EVC2: variants seen among roughly 807,000 people sequenced by gnomAD.
The protein encoded by EVC2 is EvC ciliary complex subunit 2.
A neutral mutation model predicts 149.3 loss-of-function variants in EVC2; 148 were observed. The ratio of observed to expected loss-of-function variants is 0.99; its 90% CI spans 0.87 to 1.14. EVC2 has a LOEUF of 1.14. Among genes scored for constraint, EVC2 ranks in the 50% most tolerant of loss-of-function variants. The probability of loss-of-function intolerance (pLI) is 0.00; values close to 1 mark genes in which losing one functional copy is unlikely to be tolerated. For synonymous variants in EVC2, 776 were observed against 649.9 expected (o/e 1.19, Z -2.95); for missense variants, 1,854 against 1,627.3 (o/e 1.14, Z -2.40).
At chr4:5,687,006 T>C (rs1234857814) in intron 5 of EVC2, among the ~76,000 whole-genome samples, 2 of 151,670 alleles carry the variant, frequency 1.3e-5, no homozygotes, top group Non-Finnish European at 2.9e-5. Flanking sequence ...CCTGTAATCC[T>C]AGCACTTTGG....
intron 2 of EVC2, 93 bp downstream of exon 2, chr4:5,697,500 A>G: frequency 7.9e-7 from 1 of 1,262,868 alleles, no homozygotes; most frequent in Non-Finnish European, 1.2e-6. Flanking sequence ...TGGAAGGATC[A>G]GCAGAGAGTG....
intron 3 of EVC2, among the ~76,000 whole-genome samples, chr4:5,692,136 C>T (rs1181968101): frequency 4.6e-5 from 7 of 152,286 alleles, no homozygotes; most frequent in African/African-American, 1.2e-4. Flanking sequence ...TTCTGAGTCA[C>T]GGACTCTGGC....
chr4:5,641,057 A>G (rs1226286539), intron 9 of EVC2, among the ~76,000 whole-genome samples: 1 of 152,258 alleles, frequency 6.6e-6, no homozygotes, highest in African/African-American at 2.4e-5. Context: ...TGTACAAAAA[A>G]GAATATAATC....
chr4:5,621,098 C>T (rs1715654624), intron 14 of EVC2, among the ~76,000 whole-genome samples: 1 of 152,156 alleles, frequency 6.6e-6, no homozygotes, highest in South Asian at 2.1e-4. Context: ...TCACTTAACG[C>T]AAACCAAGAT....
intron 21 of EVC2, among the ~76,000 whole-genome samples, chr4:5,552,761 T>TG (rs1721765372): frequency 2.6e-5 from 4 of 152,106 alleles, no homozygotes; most frequent in Admixed American, 2.0e-4. Flanking sequence ...AGACAGACAA[T>TG]GAACTGAGAC....
At chr4:5,619,007 A>G (rs2108833983) in intron 14 of EVC2, among the ~76,000 whole-genome samples, 1 of 152,286 alleles carries the variant, frequency 6.6e-6, no homozygotes, top group Non-Finnish European at 1.5e-5. Flanking sequence ...TAAACAAAGC[A>G]CTGTCTGTGG....
At chr4:5,697,265 C>T (rs899582540) in intron 2 of EVC2, among the ~76,000 whole-genome samples, 1 of 152,186 alleles carries the variant, frequency 6.6e-6, no homozygotes, top group African/African-American at 2.4e-5. Context: ...TGGTCGAAGC[C>T]ACTGTTTGTG....
intron 7 of EVC2, among the ~76,000 whole-genome samples, chr4:5,667,136 T>C (rs892962734): frequency 6.6e-6 from 1 of 152,106 alleles, no homozygotes; most frequent in African/African-American, 2.4e-5. Flanking sequence ...AAGTCTTATA[T>C]AGTAATGTAA....
chr4:5,649,117 A>G (rs1469270641), intron 9 of EVC2, among the ~76,000 whole-genome samples: 2 of 152,220 alleles, frequency 1.3e-5, no homozygotes, highest in Non-Finnish European at 2.9e-5. Context: ...TTTGGGTTAC[A>G]CATGCTGGGC....
At chr4:5,599,427 T>C (rs1007394931) in intron 16 of EVC2, among the ~76,000 whole-genome samples, 6 of 152,164 alleles carry the variant, frequency 3.9e-5, no homozygotes, top group African/African-American at 1.4e-4. Flanking sequence ...TGTAGGGACA[T>C]GGATGAAATT....
Position 5,640,387 on chromosome 4 carries a change from T to C in EVC2, c.1470+127A>G, listed in dbSNP as rs760101066. On this transcript the variant is annotated intron_variant, in intron 10 of 21. Transcript: ENST00000344408. The surrounding 1 kb of genome is among the most constrained non-coding windows in gnomAD (Gnocchi z 4.6). ...ATGGAAGGATGAATAGATGAATGAG[T>C]GGGTGGTTGGATGGATGATGGGTAG... is the stretch of plus-strand genomic sequence containing the variant. 4.7e-6 allele frequency: 5 copies of C among 1,055,276 alleles called. No homozygotes were observed. Among genetic ancestry groups the C allele is most frequent in the Non-Finnish European group, 5.9e-6 (4 of 676,816 alleles). The allele number at this position is 1,055,276 out of a possible 1,614,324, so 65.4% of individuals were successfully genotyped here.
downstream of EVC2, among the ~76,000 whole-genome samples, chr4:5,538,185 A>C (rs186775663): frequency 6.6e-6 from 1 of 152,136 alleles, no homozygotes; most frequent in Non-Finnish European, 1.5e-5. Flanking sequence ...AATTAAAAGA[A>C]TAATAAAATA....
At chr4:5,593,646 C>G (rs4689268) in intron 16 of EVC2, among the ~76,000 whole-genome samples, 103,628 of 152,022 alleles carry the variant, frequency 0.68, 35,896 homozygotes, top group East Asian at 0.86. Context: ...GAGCGACGCA[C>G]AAGATGGGTG....
intron 10 of EVC2, among the ~76,000 whole-genome samples, chr4:5,639,934 T>A (rs753841464): frequency 6.6e-6 from 1 of 152,224 alleles, no homozygotes; most frequent in Non-Finnish European, 1.5e-5. Context: ...TTGTTCCCTA[T>A]ACCTTCACTG....
intron 16 of EVC2, among the ~76,000 whole-genome samples, chr4:5,599,039 T>G (rs533220092): frequency 6.6e-6 from 1 of 151,978 alleles, no homozygotes; most frequent in Non-Finnish European, 1.5e-5. Context: ...TCACACCAGT[T>G]AGAATGGCAA....
At chr4:5,673,714 T>G (rs1025017906) in intron 7 of EVC2, among the ~76,000 whole-genome samples, 1 of 152,182 alleles carries the variant, frequency 6.6e-6, no homozygotes, top group Admixed American at 6.5e-5. Flanking sequence ...AAACAGGCCT[T>G]TCAAAACGAA....
intron 16 of EVC2, among the ~76,000 whole-genome samples, chr4:5,602,291 T>TAAAAAA (rs571933194): frequency 2.3e-4 from 19 of 81,690 alleles, no homozygotes; most frequent in African/African-American, 6.0e-4. Context: ...CATTGCCTCT[T>TAAAAAA]AAAAAAAAAA....
chr4:5,705,757 AG>A (rs1280630992), intron 1 of EVC2, among the ~76,000 whole-genome samples: 1 of 152,120 alleles, frequency 6.6e-6, no homozygotes, highest in Non-Finnish European at 1.5e-5. Flanking sequence ...GAAAATGAGT[AG>A]AAAAAGTAAG....
intron 16 of EVC2, among the ~76,000 whole-genome samples, chr4:5,606,400 CG>C (rs1714393180): frequency 6.6e-6 from 1 of 152,126 alleles, no homozygotes; most frequent in Admixed American, 6.5e-5. Context: ...ACACTTTTGG[CG>C]GAATCCACAG....
Sources: gnomAD v4.1 joint callset for allele counts (sites outside exome capture counted in the v4.1 genomes callset) on GRCh38, gnomAD v4.1.1 for gene constraint, Gnocchi (gnomAD v3.1) non-coding constraint, MANE v1.5 for transcripts, NCBI Gene and HGNC (gene_info 2026-07-23, HGNC 2026-07-21) for gene names.